Variants in TMEM40 observed in about 807,000 individuals in gnomAD.
TMEM40 encodes transmembrane protein 40.
In TMEM40, 34 loss-of-function variants were observed where a neutral mutation model predicts 40.8. The observed-to-expected ratio is 0.83, with a 90% CI of 0.63 to 1.11. TMEM40 has a LOEUF of 1.11. Ranked by LOEUF, TMEM40 falls within the 50% of genes least tolerant of loss-of-function variation. TMEM40 has a pLI of 0.00. For synonymous variants in TMEM40, 106 were observed against 107.0 expected (o/e 0.99, Z 0.06); for missense variants, 296 against 280.2 (o/e 1.06, Z -0.40).
intron 5 of TMEM40, among the ~76,000 whole-genome samples, 164 bp downstream of exon 5, chr3:12,742,289 GC>G (rs1484145111): frequency 1.3e-5 from 2 of 151,968 alleles, no homozygotes; most frequent in African/African-American, 4.8e-5. Flanking sequence ...TCTCATGCCC[GC>G]CTCCCCACCT....
intron 8 of TMEM40, among the ~76,000 whole-genome samples, chr3:12,737,181 C>CTTT (rs1355255127): frequency 7.1e-6 from 1 of 139,862 alleles, no homozygotes; most frequent in Non-Finnish European, 1.6e-5. Flanking sequence ...TGCCTGGCCT[C>CTTT]TTTTTTTTTT....
chr3:12,742,209 G>A (rs567112595), intron 5 of TMEM40, among the ~76,000 whole-genome samples: 7 of 152,160 alleles, frequency 4.6e-5, no homozygotes, highest in Non-Finnish European at 1.0e-4. Flanking sequence ...CAGCCTGGGC[G>A]ACAGAGTGAG....
intron 4 of TMEM40, 44 bp downstream of exon 4, chr3:12,743,856 G>T: frequency 6.3e-7 from 1 of 1,579,106 alleles, no homozygotes; most frequent in South Asian, 1.1e-5. Context: ...AAACTCAACG[G>T]TGAGCGAGTG....
At chr3:12,735,532 C>G (rs1457486029) in intron 11 of TMEM40, 23 bp downstream of exon 11, 4 of 1,609,630 alleles carry the variant, frequency 2.5e-6, no homozygotes, top group Non-Finnish European at 8.5e-7. Context: ...AATGAGTGAA[C>G]ACAGGAAGAC....
At chr3:12,737,928 A>T in intron 7 of TMEM40, 174 bp from the exon 8 acceptor site, 1 of 913,988 alleles carries the variant, frequency 1.1e-6, no homozygotes, top group Non-Finnish European at 1.7e-6. Flanking sequence ...TGGAACCCCC[A>T]CTGACTTCCT....
chr3:12,750,283 T>C (rs1046171049), intron 1 of TMEM40, among the ~76,000 whole-genome samples: 1 of 151,892 alleles, frequency 6.6e-6, no homozygotes, highest in East Asian at 1.9e-4. Context: ...CTAGGTACAA[T>C]TTTGACAGGA....
In TMEM40 at chr3:12,758,090, A is replaced by G. The variant is rs1008949898; in HGVS notation, c.-9+1101T>C. On this transcript the variant is annotated intron_variant, in intron 1 of 11. Transcript: ENST00000314124. Reference sequence around the variant, plus strand: ...TATTTAAAAAAAAAAAAAAGAAAGAAAGAAAAAGGAAAGACTCCACCCACA... The same window carrying G: ...TATTTAAAAAAAAAAAAAAGAAAGAGAGAAAAAGGAAAGACTCCACCCACA... Among the ~76,000 whole-genome samples the G allele has an allele frequency of 1.4e-4, 21 of 152,086 alleles. 2 individuals are homozygous for G. Among genetic ancestry groups the G allele is most frequent in the Admixed American group, 2.6e-4 (4 of 15,278 alleles).
chr3:12,734,678 G>T lies in TMEM40; in HGVS notation c.*96C>A. On this transcript the variant is annotated 3_prime_UTR_variant, in exon 12 of 12. Transcript: ENST00000314124. ...GTTTATTGGTCTGGCTTGGTCTCCT[G>T]TGCGTCTCTCAGAATGCTGCTCTGC... The T allele has an allele frequency of 2.8e-6, 4 of 1,414,618 alleles. No homozygotes were observed. The highest frequency in any genetic ancestry group is 2.9e-6 in the Non-Finnish European group (3 of 1,032,896). 87.6% of individuals were successfully genotyped at this position (1,414,618 alleles called of 1,614,324 possible). A position where few individuals can be genotyped will look rare whatever the true frequency, so the allele number is the denominator to read the frequency against.
Position 12,742,322 on chromosome 3 carries a change from C to T in TMEM40, c.355+132G>A, listed in dbSNP as rs879198499. 1.8e-5 allele frequency: 18 copies of T among 992,256 alleles called. No homozygotes were observed. In the South Asian group the frequency reaches 1.9e-4, roughly 10 times the overall value. 61.5% of individuals were successfully genotyped at this position (992,256 alleles called of 1,614,324 possible). On this transcript the variant is annotated intron_variant, in intron 5 of 11. Coordinates refer to ENST00000314124, the MANE Select transcript of TMEM40 (RefSeq NM_018306.4). ...ACCTGCCAATGTTATAACCACCCAA[C>T]TGGCCACATCTCCTGTATTTGGCTG...
intron 8 of TMEM40, among the ~76,000 whole-genome samples, chr3:12,737,173 C>A (rs992954413): frequency 2.6e-5 from 4 of 151,632 alleles, no homozygotes; most frequent in Non-Finnish European, 4.4e-5. Flanking sequence ...AGCCACCATG[C>A]CTGGCCTCTT....
In TMEM40 at chr3:12,746,675, A is replaced by G. The variant is rs371089583; in HGVS notation, c.211+1980T>C. Reference sequence around the variant, plus strand: ...GCAGCAGGTCAGTCACCGTAGGATCAGGGACCAGGATCCTGAATGTCAGCC... The same window carrying G: ...GCAGCAGGTCAGTCACCGTAGGATCGGGGACCAGGATCCTGAATGTCAGCC... On this transcript the variant is annotated intron_variant, in intron 3 of 11. Transcript: ENST00000314124. Among the ~76,000 whole-genome samples, 12 of 152,304 alleles carry G rather than the reference A, an allele frequency of 7.9e-5. No individual in the cohort carries two copies. The South Asian group carries it at 2.1e-3, about 26-fold the overall frequency.
At chr3:12,753,211 C>CTTTTTTTTT (rs56739791) in intron 1 of TMEM40, among the ~76,000 whole-genome samples, 37 of 76,308 alleles carry the variant, frequency 4.8e-4, no homozygotes, top group East Asian at 1.2e-3. Flanking sequence ...TTCTTTCTTT[C>CTTTTTTTTT]TTTTTTTTTT....
intron 5 of TMEM40, among the ~76,000 whole-genome samples, chr3:12,742,116 C>T (rs961985295): frequency 6.6e-6 from 1 of 151,974 alleles, no homozygotes; most frequent in African/African-American, 2.4e-5. Flanking sequence ...TGTGGTCCCA[C>T]CTACTCGGGA....
At chr3:12,740,874 G>T (rs2061376628) in intron 5 of TMEM40, among the ~76,000 whole-genome samples, 1 of 151,916 alleles carries the variant, frequency 6.6e-6, no homozygotes, top group Admixed American at 6.6e-5. Flanking sequence ...AACAAAAAAT[G>T]AAAAACAAAC....
intron 1 of TMEM40, among the ~76,000 whole-genome samples, chr3:12,768,628 C>T (rs201334302): frequency 1.3e-5 from 2 of 152,108 alleles, no homozygotes; most frequent in Admixed American, 6.5e-5. Flanking sequence ...GTTTACAAAC[C>T]TGAGCTAGAT....
upstream of TMEM40, among the ~76,000 whole-genome samples, chr3:12,763,989 C>T (rs1287645129): frequency 2.6e-5 from 4 of 152,132 alleles, no homozygotes; most frequent in Admixed American, 2.6e-4. Context: ...GATTTCGGCT[C>T]ACTGCAGCCT....
chr3:12,752,963 A>G (rs2106618132), intron 1 of TMEM40, among the ~76,000 whole-genome samples: 1 of 152,272 alleles, frequency 6.6e-6, no homozygotes, highest in South Asian at 2.1e-4. Context: ...AAGAGGACAC[A>G]CTAACAGTCA....
At chr3:12,751,433 C>A in intron 1 of TMEM40, among the ~76,000 whole-genome samples, 1 of 151,704 alleles carries the variant, frequency 6.6e-6, no homozygotes, top group Non-Finnish European at 1.5e-5. Context: ...AGGCGCCACA[C>A]CATGCTTGGC....
Position 12,755,272 on chromosome 3 carries a change from TTTCTTTCTTTC to T in TMEM40, c.-9+3908_-9+3918del, listed in dbSNP as rs779071829. Among the ~76,000 whole-genome samples the T allele has an allele frequency of 2.5e-4, 31 of 125,264 alleles. 2 individuals carry two copies. The highest frequency in any genetic ancestry group is 8.7e-4 in the East Asian group (4 of 4,594). 82.2% of individuals were successfully genotyped at this position (125,264 alleles called of 152,430 possible). On this transcript the variant is annotated intron_variant, in intron 1 of 11. Transcript: ENST00000314124. ...CTTTCTTTCTTTCTTTCTTTCTTTC[TTTCTTTCTTTC>T]TTCTTTTCTAGAGACAGGGTCTCAC...
Sources: gnomAD v4.1 joint callset for allele counts (sites outside exome capture counted in the v4.1 genomes callset) on GRCh38, gnomAD v4.1.1 for gene constraint, MANE v1.5 for transcripts, NCBI Gene and HGNC (gene_info 2026-07-23, HGNC 2026-07-21) for gene names.